The following CHRNA4 variants were observed in gnomAD, a reference collection of about 807,000 sequenced individuals.
The protein encoded by CHRNA4 is neuronal acetylcholine receptor subunit alpha-4.
Under a neutral mutation model 48.9 loss-of-function variants are expected in CHRNA4, and 28 were observed. That is an observed-to-expected ratio of 0.57 (90% confidence interval 0.42 to 0.79). The LOEUF (loss-of-function observed/expected upper bound fraction) is 0.79, where lower values mean the gene tolerates loss of function less well. Ranked by LOEUF, CHRNA4 falls within the 30% of genes least tolerant of loss-of-function variation. The pLI is 0.00. For missense variants in CHRNA4, 859 were observed against 898.4 expected, an observed-to-expected ratio of 0.96 and a Z score of 0.56; for synonymous variants, 425 against 402.3, an observed-to-expected ratio of 1.06 and a Z score of -0.68.
rs950789157 is a variant in CHRNA4, at chr20:63,344,722, G to A, written c.*2016C>T. 31 of 454,076 alleles carry A rather than the reference G, an allele frequency of 6.8e-5. No individual in the cohort carries two copies. The highest frequency in any genetic ancestry group is 3.4e-4 in the African/African-American group (17 of 50,102). 28.1% of individuals were successfully genotyped at this position (454,076 alleles called of 1,614,324 possible). On this transcript the variant is annotated 3_prime_UTR_variant, in exon 6 of 6. Transcript: ENST00000370263. The surrounding 1 kb of genome is among the most constrained non-coding windows in gnomAD (Gnocchi z 4.5). ...CGGGCTTCTTACATCTGAAATCTGC[G>A]TCTCTATCCCTCCTCTGAGACCAGT...
At chr20:63,355,368 T>C in intron 4 of CHRNA4, 1 of 517,230 alleles carries the variant, frequency 1.9e-6, no homozygotes, top group South Asian at 1.8e-5. Context: ...GAGCCTGACA[T>C]GGGCTTGGCC....
In CHRNA4 at chr20:63,345,988, C is replaced by T. The variant is rs202173865; in HGVS notation, c.*750G>A. ...AAGGCAGAGTCCTGGTCTCCAGACT[C>T]GCTGGGGCTGGGTGTTCCTGTCCCC... On this transcript the variant is annotated 3_prime_UTR_variant, in exon 6 of 6. Transcript: ENST00000370263. The surrounding 1 kb of genome is among the most constrained non-coding windows in gnomAD (Gnocchi z 5.4). 2.6e-5 allele frequency: 12 copies of T among 453,942 alleles called. No individual in the cohort carries two copies. The highest frequency in any genetic ancestry group is 4.0e-5 in the Non-Finnish European group (9 of 226,768). The allele number at this position is 453,942 out of a possible 1,614,324, so 28.1% of individuals were successfully genotyped here.
rs184411310 is a variant in CHRNA4, at chr20:63,343,941, G to A, written c.*2797C>T. ...AACTGGCCCTAGGAGGAGCAGTCCT[G>A]GGTCTGAAAGATGTTAAAACATTAA... On this transcript the variant is annotated 3_prime_UTR_variant, in exon 6 of 6. Coordinates refer to ENST00000370263, the MANE Select transcript of CHRNA4 (RefSeq NM_000744.7). The A allele has an allele frequency of 4.0e-3, 1,799 of 454,126 alleles. 35 individuals carry two copies. The highest frequency in any genetic ancestry group is 0.019 in the South Asian group (1,231 of 64,480). The allele number at this position is 454,126 out of a possible 1,614,324, so 28.1% of individuals were successfully genotyped here.
At chr20:63,355,385 G>A (rs576212895) in intron 4 of CHRNA4, 157 of 660,888 alleles carry the variant, frequency 2.4e-4, no homozygotes, top group Non-Finnish European at 3.3e-4. Context: ...GGCCCAGCCC[G>A]AGGCTTTGTT....
intron 4 of CHRNA4, among the ~76,000 whole-genome samples, chr20:63,353,590 G>T (rs1256962430): frequency 5.2e-5 from 6 of 114,304 alleles, no homozygotes; most frequent in African/African-American, 2.0e-4. Flanking sequence ...GTCCTGGGGG[G>T]ACTGCAGTCC....
chr20:63,343,770 G>C lies in CHRNA4; in HGVS notation c.*2968C>G, dbSNP rs1353277328. ...CCGCAGAGGGGCCGGCGCCCCGGCA[G>C]GCTTCGAGCTGCAGCAGTGTCTCCC... On this transcript the variant is annotated 3_prime_UTR_variant, in exon 6 of 6. Coordinates refer to ENST00000370263, the MANE Select transcript of CHRNA4 (RefSeq NM_000744.7). 1 of 453,654 alleles carries C rather than the reference G, an allele frequency of 2.2e-6. No homozygotes were observed. Among genetic ancestry groups the C allele is most frequent in the Non-Finnish European group, 4.4e-6 (1 of 226,374 alleles). The allele number at this position is 453,654 out of a possible 1,614,324, so 28.1% of individuals were successfully genotyped here.
In CHRNA4 at chr20:63,350,094, T is replaced by A. The variant is rs1464352218; in HGVS notation, c.1317A>T (p.Lys439Asn). 6.5e-7 allele frequency: 1 copy of A among 1,529,784 alleles called. No homozygotes were observed. Among genetic ancestry groups the A allele is most frequent in the African/African-American group, 1.4e-5 (1 of 73,286 alleles). 94.8% of individuals were successfully genotyped at this position (1,529,784 alleles called of 1,614,324 possible). A position where few individuals can be genotyped will look rare whatever the true frequency, so the allele number is the denominator to read the frequency against. Reference protein sequence around the residue: ...LPPQQPLEAEKASPHPSPGPC... With the variant: ...LPPQQPLEAENASPHPSPGPC... The stretch of plus-strand genomic sequence containing the variant: ...GTCCAGGCGAGGGGTGGGGGCTGGC[T>A]TTCTCAGCTTCCAGGGGCTGCTGAG... Residue 439 changes from lysine (K) to asparagine (N), a missense_variant, in exon 5 of 6, where the codon AAA (lysine) becomes AAT (asparagine). Physicochemically the swap from Lys to Asn is moderately conservative, Grantham distance 94. Coordinates refer to ENST00000370263, the MANE Select transcript of CHRNA4 (RefSeq NM_000744.7).
Position 63,344,963 on chromosome 20 carries a change from C to T in CHRNA4, c.*1775G>A. ...CACGGGGGTCTCTGTGTCCCACCCA[C>T]TCCTGGCACAAAAGCCCCAGCCTCA... On this transcript the variant is annotated 3_prime_UTR_variant, in exon 6 of 6. Transcript: ENST00000370263. This position sits in a 1 kb window ranked among gnomAD's most constrained non-coding sequence, Gnocchi z 4.5. The T allele has an allele frequency of 2.4e-6, 1 of 416,664 alleles. No individual in the cohort carries two copies. The highest frequency in any genetic ancestry group is 4.9e-6 in the Non-Finnish European group (1 of 204,224). The allele number at this position is 416,664 out of a possible 1,614,324, so 25.8% of individuals were successfully genotyped here.
In CHRNA4 at chr20:63,354,685, C is replaced by T. The variant is rs924748754; in HGVS notation, c.383+1290G>A. On this transcript the variant is annotated intron_variant, in intron 4 of 5. Transcript: ENST00000370263. ...GGCTTCGTTCCTGGGGGCTGCATTC[C>T]TGGAGGGCTGTGCACAGGCACCCAG... 23 of 986,228 alleles carry T rather than the reference C, an allele frequency of 2.3e-5. No individual in the cohort carries two copies. In the East Asian group the frequency reaches 2.6e-3, roughly 112 times the overall value. 61.1% of individuals were successfully genotyped at this position (986,228 alleles called of 1,614,324 possible).
At chr20:63,347,871 C>T (rs934312470) in intron 5 of CHRNA4, among the ~76,000 whole-genome samples, 4 of 152,110 alleles carry the variant, frequency 2.6e-5, no homozygotes, top group African/African-American at 9.7e-5. Flanking sequence ...ATAGCAATCC[C>T]GGGTCTCCTG....
At chr20:63,354,348 G>A (rs1462656774) in intron 4 of CHRNA4, among the ~76,000 whole-genome samples, 1 of 132,966 alleles carries the variant, frequency 7.5e-6, no homozygotes, top group African/African-American at 2.9e-5. Context: ...TAGTCCTAGG[G>A]GGCTGTGGTC....
chr20:63,351,811 A>G (rs963521827), intron 4 of CHRNA4, among the ~76,000 whole-genome samples: 1 of 152,164 alleles, frequency 6.6e-6, no homozygotes, highest in Non-Finnish European at 1.5e-5. Context: ...AGAGCAATGG[A>G]GCGAGGGGCT....
Position 63,350,397 on chromosome 20 carries a change from G to A in CHRNA4, c.1014C>T (p.His338=), listed in dbSNP as rs1253642417. The change falls in exon 5 of 6, where the codon CAC becomes CAT. Residue 338 remains histidine (H), a synonymous_variant. Coordinates refer to ENST00000370263, the MANE Select transcript of CHRNA4 (RefSeq NM_000744.7). ...LNVHHRSPRT[H]TMPTWVRRVF... The stretch of plus-strand genomic sequence containing the variant: ...CCCTGCGTACCCAGGTGGGCATGGT[G>A]TGCGTGCGTGGCGAGCGGTGGTGCA... 3.7e-6 allele frequency: 6 copies of A among 1,613,908 alleles called. No homozygotes were observed. Among genetic ancestry groups the A allele is most frequent in the Non-Finnish European group, 5.1e-6 (6 of 1,180,038 alleles).
At position 63,346,371 on chromosome 20, in the gene CHRNA4, G is replaced by A. The variant is rs4809294; in HGVS notation, c.*367C>T. On this transcript the variant is annotated 3_prime_UTR_variant, in exon 6 of 6. Coordinates refer to ENST00000370263, the MANE Select transcript of CHRNA4 (RefSeq NM_000744.7). Reference sequence around the variant, plus strand: ...ACTCCCTTCAAGGGCCCCTTGGGGCGGTCGGGACCATCACCAGATCTGCTG... The same window carrying A: ...ACTCCCTTCAAGGGCCCCTTGGGGCAGTCGGGACCATCACCAGATCTGCTG... The A allele has an allele frequency of 0.05, 23,958 of 479,046 alleles. 922 individuals carry two copies. The highest frequency in any genetic ancestry group is 0.11 in the South Asian group (7,204 of 64,678). The allele number at this position is 479,046 out of a possible 1,614,324, so 29.7% of individuals were successfully genotyped here.
In CHRNA4 at chr20:63,343,252, CTG is replaced by C; in HGVS notation, c.*3484_*3485del. ...GACGGTGCGTTTTATTCATTGAAGT[CTG>C]TGCACACACTGGGAGCACATTCCAG... On this transcript the variant is annotated 3_prime_UTR_variant, in exon 6 of 6. Coordinates refer to ENST00000370263, the MANE Select transcript of CHRNA4 (RefSeq NM_000744.7). The C allele has an allele frequency of 2.4e-6, 1 of 420,646 alleles. No individual in the cohort carries two copies. Among genetic ancestry groups the C allele is most frequent in the African/African-American group, 2.0e-5 (1 of 49,140 alleles). 26.1% of individuals were successfully genotyped at this position (420,646 alleles called of 1,614,324 possible). A position where few individuals can be genotyped will look rare whatever the true frequency, so the allele number is the denominator to read the frequency against.
chr20:63,353,819 G>A (rs1210120917), intron 4 of CHRNA4, among the ~76,000 whole-genome samples: 1 of 36,630 alleles, frequency 2.7e-5, no homozygotes, highest in Admixed American at 3.3e-4. Context: ...TGTGGTCCTG[G>A]AGGGGCTGTG....
chr20:63,343,984 C>T lies in CHRNA4; in HGVS notation c.*2754G>A. Reference sequence around the variant, plus strand: ...AACATTAACAGATGCAGAAAATAAACATGCATAACGGATAGAGTGCCATGC... The same window carrying T: ...AACATTAACAGATGCAGAAAATAAATATGCATAACGGATAGAGTGCCATGC... On this transcript the variant is annotated 3_prime_UTR_variant, in exon 6 of 6. Coordinates refer to ENST00000370263, the MANE Select transcript of CHRNA4 (RefSeq NM_000744.7). 2.2e-6 allele frequency: 1 copy of T among 454,140 alleles called. No individual in the cohort carries two copies. The highest frequency in any genetic ancestry group is 4.4e-6 in the Non-Finnish European group (1 of 226,798). 28.1% of individuals were successfully genotyped at this position (454,140 alleles called of 1,614,324 possible).
intron 4 of CHRNA4, among the ~76,000 whole-genome samples, chr20:63,351,932 G>A (rs1238071771): frequency 1.3e-5 from 2 of 152,200 alleles, no homozygotes; most frequent in East Asian, 3.9e-4. Context: ...CAGGGCTGAG[G>A]CAGCCAGGCT....
At position 63,349,749 on chromosome 20, in the gene CHRNA4, C is replaced by T. The variant is rs121912284; in HGVS notation, c.1662G>A (p.Pro554=). The change falls in exon 5 of 6, where the codon CCG becomes CCA. Residue 554 remains proline, a synonymous_variant. Coordinates refer to ENST00000370263, the MANE Select transcript of CHRNA4 (RefSeq NM_000744.7). ...CCGGCGACAGGGGCAGGTGCGGGGG[C>T]GGCGCTTTGGTGCTGCGGGTCTTGA... ...ATVKTRSTKA[P]PPHLPLSPAL... 2.8e-4 allele frequency: 452 copies of T among 1,612,186 alleles called. 1 individual carries two copies. In the African/African-American group the frequency reaches 5.3e-3, roughly 19 times the overall value.
Sources: allele counts gnomAD v4.1 joint callset (sites outside exome capture counted in the v4.1 genomes callset), GRCh38; gene constraint gnomAD v4.1.1; non-coding constraint Gnocchi (gnomAD v3.1); transcripts MANE v1.5; gene names NCBI Gene and HGNC (gene_info 2026-07-23, HGNC 2026-07-21).